SDK1: variants seen among roughly 807,000 people sequenced by gnomAD.
SDK1 encodes the protein protein sidekick-1.
SDK1 carries 157 observed loss-of-function variants against 245.5 expected under a neutral mutation model. The observed-to-expected ratio is 0.64, with a 90% CI of 0.56 to 0.73. The LOEUF is 0.73. Ranked by LOEUF, SDK1 falls within the 30% of genes least tolerant of loss-of-function variation. SDK1 has a pLI of 0.00. For missense variants in SDK1, 3,583 were observed against 3,002.3 expected, an observed-to-expected ratio of 1.19 and a Z score of -4.52; for synonymous variants, 1,647 against 1,278.5, an observed-to-expected ratio of 1.29 and a Z score of -6.15.
chr7:3,464,569 G>T (rs1780933204), intron 1 of SDK1, among the ~76,000 whole-genome samples: 1 of 152,052 alleles, frequency 6.6e-6, no homozygotes, highest in African/African-American at 2.4e-5. Flanking sequence ...CTTTCATTCT[G>T]TCAGTGGCTC....
chr7:4,053,197 C>G (rs1029098309), intron 19 of SDK1, among the ~76,000 whole-genome samples: 11 of 151,964 alleles, frequency 7.2e-5, no homozygotes, highest in Admixed American at 7.2e-4. Flanking sequence ...CTTGTCTCTA[C>G]TAGAGTTTGG....
intron 20 of SDK1, among the ~76,000 whole-genome samples, chr7:4,071,174 G>A (rs549108376): frequency 3.0e-4 from 46 of 151,948 alleles, no homozygotes; most frequent in African/African-American, 6.3e-4. Flanking sequence ...ACAGGTGTGC[G>A]CCACCACACC....
chr7:3,668,884 A>G (rs566777041), intron 4 of SDK1, among the ~76,000 whole-genome samples: 1 of 152,334 alleles, frequency 6.6e-6, no homozygotes, highest in Admixed American at 6.5e-5. Flanking sequence ...TAGCTGAAAG[A>G]GTCACAAAGG....
intron 5 of SDK1, among the ~76,000 whole-genome samples, chr7:3,943,345 T>C (rs946815181): frequency 9.7e-5 from 2 of 20,638 alleles, no homozygotes; most frequent in East Asian, 3.3e-3. Context: ...AGCAGCCACC[T>C]TGGCCTCTGC....
In SDK1 at chr7:3,644,780, AAAAAAAAAAAAAC is replaced by A. The variant is rs1371926397; in HGVS notation, c.713+2682_713+2694del. On this transcript the variant is annotated intron_variant, in intron 4 of 44. Transcript: ENST00000404826. The stretch of plus-strand genomic sequence containing the variant: ...AGAGCAAGACCCTGTCTCCAAAAAA[AAAAAAAAAAAAAC>A]AAAAAACAACAACAACGGCGGGGCA... Among the ~76,000 whole-genome samples the A allele has an allele frequency of 1.1e-4, 16 of 140,842 alleles. 1 individual carries two copies. The highest frequency in any genetic ancestry group is 3.1e-4 in the African/African-American group (12 of 38,992). The allele number at this position is 140,842 out of a possible 152,430, so 92.4% of individuals were successfully genotyped here.
chr7:4,075,896 A>C (rs933522356), intron 20 of SDK1, among the ~76,000 whole-genome samples: 1 of 151,744 alleles, frequency 6.6e-6, no homozygotes, highest in African/African-American at 2.4e-5. Flanking sequence ...CAGGTGGTCC[A>C]CCCGCCTTGG....
chr7:3,990,021 C>G (rs1427759252), intron 14 of SDK1, among the ~76,000 whole-genome samples: 1 of 152,246 alleles, frequency 6.6e-6, no homozygotes. Context: ...GCAGAGGAGC[C>G]TTCGGAAGCA....
At chr7:4,088,387 T>C (rs554303690) in intron 22 of SDK1, among the ~76,000 whole-genome samples, 1 of 152,314 alleles carries the variant, frequency 6.6e-6, no homozygotes, top group East Asian at 1.9e-4. Flanking sequence ...CATATCGAAT[T>C]GGGACAATGA....
chr7:3,582,318 G>C (rs1166828370), intron 1 of SDK1, among the ~76,000 whole-genome samples: 415 of 137,706 alleles, frequency 3.0e-3, no homozygotes, highest in Non-Finnish European at 4.3e-3. Context: ...AGGTAGGTCT[G>C]TCTCAGGTAG....
intron 4 of SDK1, among the ~76,000 whole-genome samples, chr7:3,707,204 T>C (rs1339152204): frequency 6.6e-6 from 1 of 152,230 alleles, no homozygotes; most frequent in Non-Finnish European, 1.5e-5. Flanking sequence ...TATAAACTTT[T>C]CTCTTAGCAT....
intron 13 of SDK1, among the ~76,000 whole-genome samples, chr7:3,983,373 G>GC (rs1427975780): frequency 6.6e-6 from 1 of 152,050 alleles, no homozygotes; most frequent in Non-Finnish European, 1.5e-5. Flanking sequence ...AGTCCCCCCA[G>GC]CCTATAGCCC....
intron 5 of SDK1, among the ~76,000 whole-genome samples, chr7:3,832,150 G>A (rs1336972500): frequency 6.6e-6 from 1 of 152,104 alleles, no homozygotes; most frequent in East Asian, 1.9e-4. Context: ...TTGCAGATGA[G>A]GTAACAAATC....
chr7:3,841,547 T>A (rs1313922086), intron 5 of SDK1, among the ~76,000 whole-genome samples: 2 of 151,976 alleles, frequency 1.3e-5, no homozygotes, highest in Non-Finnish European at 2.9e-5. Flanking sequence ...AGGTCAAGTA[T>A]TATCAGATTA....
At chr7:3,513,173 T>G (rs983112880) in intron 1 of SDK1, among the ~76,000 whole-genome samples, 1 of 152,174 alleles carries the variant, frequency 6.6e-6, no homozygotes, top group Non-Finnish European at 1.5e-5. Context: ...AGACACTAGA[T>G]TTAGTCTTTC....
At chr7:3,736,730 T>C (rs751531829) in intron 4 of SDK1, among the ~76,000 whole-genome samples, 6 of 152,216 alleles carry the variant, frequency 3.9e-5, no homozygotes, top group Non-Finnish European at 7.3e-5. Flanking sequence ...ATTGGGATAT[T>C]ATTATCAAAA....
At chr7:3,415,617 G>T (rs17133292) in intron 1 of SDK1, among the ~76,000 whole-genome samples, 22,096 of 151,588 alleles carry the variant, frequency 0.15, 1,607 homozygotes, top group South Asian at 0.23. Flanking sequence ...GGATTGGAAG[G>T]ATACCCACAA....
intron 22 of SDK1, among the ~76,000 whole-genome samples, chr7:4,100,432 A>G (rs1782457168): frequency 6.6e-6 from 1 of 152,076 alleles, no homozygotes; most frequent in African/African-American, 2.4e-5. Flanking sequence ...GCACAGGGGG[A>G]GCTAAGGCAG....
At chr7:3,814,200 T>C (rs900009879) in intron 4 of SDK1, among the ~76,000 whole-genome samples, 16 of 151,760 alleles carry the variant, frequency 1.1e-4, no homozygotes, top group African/African-American at 3.9e-4. Flanking sequence ...GCCTATGTCC[T>C]GAATGGTAAT....
chr7:4,112,063 G>A (rs560294239), intron 23 of SDK1, among the ~76,000 whole-genome samples: 7 of 152,294 alleles, frequency 4.6e-5, no homozygotes, highest in African/African-American at 1.4e-4. Context: ...GGATGCACCC[G>A]TGACCCAGCA....
Sources: gnomAD v4.1 joint callset for allele counts (sites outside exome capture counted in the v4.1 genomes callset) on GRCh38, gnomAD v4.1.1 for gene constraint, MANE v1.5 for transcripts, NCBI Gene and HGNC (gene_info 2026-07-23, HGNC 2026-07-21) for gene names.